FBXO31: variants seen among roughly 807,000 people sequenced by gnomAD.
FBXO31 encodes the protein F-box protein 31.
In FBXO31, 24 loss-of-function variants were observed where a neutral mutation model predicts 54.4. The observed-to-expected ratio is 0.44, with a 90% confidence interval of 0.32 to 0.62. The LOEUF (loss-of-function observed/expected upper bound fraction) is 0.62, where lower values mean the gene tolerates loss of function less well. Ranked by LOEUF, FBXO31 falls within the 20% of genes least tolerant of loss-of-function variation. FBXO31 has a pLI of 0.05. For synonymous variants in FBXO31, 388 were observed against 335.6 expected, an observed-to-expected ratio of 1.16 and a Z score of -1.71; for missense variants, 665 against 787.1, an observed-to-expected ratio of 0.84 and a Z score of 1.86.
intron 1 of FBXO31, among the ~76,000 whole-genome samples, chr16:87,360,799 C>A (rs1906098659): frequency 6.6e-6 from 1 of 152,192 alleles, no homozygotes; most frequent in Non-Finnish European, 1.5e-5. Flanking sequence ...CCTGTGCTGC[C>A]TGTGTGTTCA....
chr16:87,369,301 C>A (rs1454678120), intron 1 of FBXO31, among the ~76,000 whole-genome samples: 1 of 152,062 alleles, frequency 6.6e-6, no homozygotes, highest in South Asian at 2.1e-4. Flanking sequence ...AGAACCTTTT[C>A]ATCTTCCCAG....
chr16:87,346,117 C>T lies in FBXO31; in HGVS notation c.489+1057G>A, dbSNP rs149197507. On this transcript the variant is annotated intron_variant, in intron 3 of 8. Transcript: ENST00000311635. The surrounding 1 kb of genome is among the most constrained non-coding windows in gnomAD (Gnocchi z 4.2). ...TGGGGATAGAGTCACGGACGGCCTCCGGCTGGGCCCTACAGAGGGTTGTGT... is the reference window on the plus strand; with the variant it reads ...TGGGGATAGAGTCACGGACGGCCTCTGGCTGGGCCCTACAGAGGGTTGTGT... 0.015 allele frequency among the ~76,000 whole-genome samples: 2,359 copies of T among 152,280 alleles called. 32 individuals carry two copies. The highest frequency in any genetic ancestry group is 0.031 in the African/African-American group (1,300 of 41,568).
At chr16:87,362,810 G>A (rs1906194845) in intron 1 of FBXO31, among the ~76,000 whole-genome samples, 1 of 152,144 alleles carries the variant, frequency 6.6e-6, no homozygotes, top group African/African-American at 2.4e-5. Flanking sequence ...AAGTGATCTG[G>A]CCTCCCAAAG....
In FBXO31 at chr16:87,347,052, T is replaced by G. The variant is rs958406039; in HGVS notation, c.489+122A>C. 6.2e-5 allele frequency: 53 copies of G among 851,266 alleles called. 1 individual carries two copies. The Admixed American group carries it at 1.1e-3, about 17-fold the overall frequency. The allele number at this position is 851,266 out of a possible 1,614,324, so 52.7% of individuals were successfully genotyped here. A position where few individuals can be genotyped will look rare whatever the true frequency, so the allele number is the denominator to read the frequency against. ...AAGTGACAGAGCAAGAATTTTTTGG[T>G]AATTACCTCAAACGCACATCTGGGC... On this transcript the variant is annotated intron_variant, in intron 3 of 8. Coordinates refer to ENST00000311635, the MANE Select transcript of FBXO31 (RefSeq NM_024735.5).
At chr16:87,337,537 A>G (rs1905073293) in intron 5 of FBXO31, among the ~76,000 whole-genome samples, 1 of 152,216 alleles carries the variant, frequency 6.6e-6, no homozygotes, top group African/African-American at 2.4e-5. Context: ...CTTGCCCAGT[A>G]TAAGCTCCCG....
intron 2 of FBXO31, among the ~76,000 whole-genome samples, chr16:87,348,371 G>A (rs939658077): frequency 6.6e-6 from 1 of 152,212 alleles, no homozygotes; most frequent in African/African-American, 2.4e-5. Flanking sequence ...CACCACCACT[G>A]TTAGTTCCCA....
chr16:87,383,354 C>A lies in FBXO31; in HGVS notation c.340+51G>T. On this transcript the variant is annotated intron_variant, in intron 1 of 8. Transcript: ENST00000311635. The surrounding 1 kb of genome is among the most constrained non-coding windows in gnomAD (Gnocchi z 4.9). ...GCCACTCCCAGCTCCGAGGCCTCCA[C>A]CTGGCAGGGACCCCCCGCCCCTCCC... The A allele has an allele frequency of 7.0e-7, 1 of 1,433,774 alleles. No individual in the cohort carries two copies. Among genetic ancestry groups the A allele is most frequent in the Non-Finnish European group, 9.4e-7 (1 of 1,063,556 alleles). 88.8% of individuals were successfully genotyped at this position (1,433,774 alleles called of 1,614,324 possible).
In FBXO31 at chr16:87,345,192, G is replaced by A. The variant is rs1351608379; in HGVS notation, c.490-1427C>T. Among the ~76,000 whole-genome samples the A allele has an allele frequency of 3.9e-5, 6 of 152,190 alleles. No individual in the cohort carries two copies. Among genetic ancestry groups the A allele is most frequent in the Admixed American group, 3.9e-4 (6 of 15,272 alleles). ...GGAGCGGAGCACAATCCCAACACCA[G>A]CACCGGATTTTCAACACAGCAAGAA... On this transcript the variant is annotated intron_variant, in intron 3 of 8. Transcript: ENST00000311635. This position sits in a 1 kb window ranked among gnomAD's most constrained non-coding sequence, Gnocchi z 4.9.
chr16:87,355,637 T>G (rs1433095953), intron 2 of FBXO31, among the ~76,000 whole-genome samples: 3 of 152,336 alleles, frequency 2.0e-5, no homozygotes, highest in African/African-American at 7.2e-5. Context: ...AACTTCAGCA[T>G]GAACAACAGT....
At position 87,338,187 on chromosome 16, in the gene FBXO31, G is replaced by C. The variant is rs1311509704; in HGVS notation, c.733-1923C>G. On this transcript the variant is annotated intron_variant, in intron 5 of 8. Coordinates refer to ENST00000311635, the MANE Select transcript of FBXO31 (RefSeq NM_024735.5). This position sits in a 1 kb window ranked among gnomAD's most constrained non-coding sequence, Gnocchi z 4.3. ...GTTACCCAGAATAAGGCCGTCCCAA[G>C]CATGTTTATTATGAAATTACTCATC... 6.6e-6 allele frequency among the ~76,000 whole-genome samples: 1 copy of C among 151,042 alleles called. No individual in the cohort carries two copies. Among genetic ancestry groups the C allele is most frequent in the African/African-American group, 2.4e-5 (1 of 40,964 alleles).
chr16:87,337,319 G>C (rs571760118), intron 5 of FBXO31, among the ~76,000 whole-genome samples: 4 of 152,332 alleles, frequency 2.6e-5, no homozygotes, highest in African/African-American at 9.6e-5. Flanking sequence ...TGCCACGTGT[G>C]GGGTCTGGGA....
At chr16:87,348,268 G>A (rs1905482909) in intron 2 of FBXO31, among the ~76,000 whole-genome samples, 1 of 152,194 alleles carries the variant, frequency 6.6e-6, no homozygotes, top group Non-Finnish European at 1.5e-5. Flanking sequence ...TCCCAGGTCA[G>A]CCCAGCCCAG....
At chr16:87,375,857 A>C (rs1863479530) in intron 1 of FBXO31, among the ~76,000 whole-genome samples, 1 of 152,148 alleles carries the variant, frequency 6.6e-6, no homozygotes, top group South Asian at 2.1e-4. Flanking sequence ...TCACCTGCCC[A>C]AAGAAACACT....
intron 5 of FBXO31, among the ~76,000 whole-genome samples, chr16:87,337,556 C>T (rs1014364100): frequency 3.3e-5 from 5 of 152,324 alleles, no homozygotes; most frequent in Non-Finnish European, 7.4e-5. Context: ...CGTCATGACA[C>T]GGCGTGCAAG....
intron 1 of FBXO31, among the ~76,000 whole-genome samples, chr16:87,369,382 T>G (rs543653075): frequency 6.6e-6 from 1 of 152,278 alleles, no homozygotes; most frequent in South Asian, 2.1e-4. Flanking sequence ...CATTCTGCCT[T>G]CTGTCTCTCT....
chr16:87,354,290 T>A (rs1905798196), intron 2 of FBXO31, among the ~76,000 whole-genome samples: 1 of 151,912 alleles, frequency 6.6e-6, no homozygotes, highest in South Asian at 2.1e-4. Context: ...CTGGGTAACA[T>A]AGGGAGCCCT....
At chr16:87,349,709 G>GAA (rs59578146) in intron 2 of FBXO31, among the ~76,000 whole-genome samples, 1 of 135,270 alleles carries the variant, frequency 7.4e-6, no homozygotes, top group African/African-American at 2.7e-5. Context: ...GACTCCATCT[G>GAA]AAAAAAAAAA....
intron 1 of FBXO31, among the ~76,000 whole-genome samples, chr16:87,379,867 T>C (rs778227699): frequency 2.8e-4 from 42 of 151,076 alleles, no homozygotes; most frequent in Non-Finnish European, 5.2e-4. Flanking sequence ...GAATTACAGG[T>C]GTGAGCCACT....
chr16:87,361,435 A>G (rs1415233810), intron 1 of FBXO31, among the ~76,000 whole-genome samples: 2 of 152,116 alleles, frequency 1.3e-5, no homozygotes, highest in African/African-American at 4.8e-5. Flanking sequence ...CACATGGACC[A>G]CTGCAGCTCA....
Sources: gnomAD v4.1 joint callset for allele counts (sites outside exome capture counted in the v4.1 genomes callset) on GRCh38, gnomAD v4.1.1 for gene constraint, Gnocchi (gnomAD v3.1) non-coding constraint, MANE v1.5 for transcripts, NCBI Gene and HGNC (gene_info 2026-07-23, HGNC 2026-07-21) for gene names.